DQX1: variants seen among roughly 807,000 people sequenced by gnomAD.
DQX1 encodes DEAQ-box RNA dependent ATPase 1, also known as ATP-dependent RNA helicase homolog DQX1.
DQX1 carries 66 observed loss-of-function variants against 81.3 expected under a neutral mutation model. The observed-to-expected ratio is 0.81, with a 90% CI of 0.67 to 1.00. The LOEUF (loss-of-function observed/expected upper bound fraction) is 1.00, where lower values mean the gene tolerates loss of function less well. Ranked by LOEUF, DQX1 falls within the 50% of genes least tolerant of loss-of-function variation. DQX1 has a pLI of 0.00. For synonymous variants in DQX1, 290 were observed against 350.0 expected, an observed-to-expected ratio of 0.83 and a Z score of 1.91; for missense variants, 798 against 867.9, an observed-to-expected ratio of 0.92 and a Z score of 1.01.
chr2:74,524,973 G>C (rs1675132169), intron 3 of DQX1, 36 bp downstream of exon 3: 1 of 1,585,868 alleles, frequency 6.3e-7, no homozygotes, highest in African/African-American at 1.4e-5. Flanking sequence ...TGAATAAGGG[G>C]AATTATATTC....
At chr2:74,523,739 C>T in intron 4 of DQX1, 184 bp downstream of exon 4, 1 of 1,055,530 alleles carries the variant, frequency 9.5e-7, no homozygotes, top group Non-Finnish European at 1.3e-6. Flanking sequence ...AGTGGTAAAC[C>T]TCTTTACCCT....
Position 74,523,370 on chromosome 2 carries a change from G to A in DQX1, c.984C>T (p.Asp328=). The A allele has an allele frequency of 6.2e-7, 1 of 1,614,226 alleles. No individual in the cohort carries two copies. The highest frequency in any genetic ancestry group is 8.5e-7 in the Non-Finnish European group (1 of 1,180,042). Residue 328 remains aspartate (D), a synonymous_variant, in exon 5 of 12, where the codon GAC becomes GAT. Transcript: ENST00000404568. ...GGATGGAAGGGAGGGAGAAGGAGAA[G>A]TCAGCCAGCCAGTGAGTGACCACAA... is the stretch of plus-strand genomic sequence containing the variant. ...RKVVVTHWLA[D]FSFSLPSIQH...
intron 8 of DQX1, among the ~76,000 whole-genome samples, chr2:74,520,700 G>A (rs915745366): frequency 3.9e-5 from 6 of 152,110 alleles, no homozygotes; most frequent in Non-Finnish European, 5.9e-5. Context: ...TTGAGACAGG[G>A]TCTCACTCTC....
At chr2:74,518,857 G>A (rs1229660794) in intron 11 of DQX1, among the ~76,000 whole-genome samples, 183 bp downstream of exon 11, 1 of 152,160 alleles carries the variant, frequency 6.6e-6, no homozygotes, top group Non-Finnish European at 1.5e-5. Context: ...GTCTCCAAAA[G>A]TGCATCTTCT....
chr2:74,519,062 C>T lies in DQX1; in HGVS notation c.1975G>A (p.Val659Ile), dbSNP rs780277660. 3.1e-6 allele frequency: 5 copies of T among 1,590,514 alleles called. No individual in the cohort carries two copies. In the South Asian group the frequency reaches 4.6e-5, roughly 14 times the overall value. Residue 659 changes from valine (V) to isoleucine (I), a missense_variant, in exon 11 of 12, where the codon GTT becomes ATT. Val to Ile is a conservative substitution (Grantham distance 29). Coordinates refer to ENST00000404568, the MANE Select transcript of DQX1 (RefSeq NM_133637.3). The part of the protein sequence containing the change: ...TISKDNCLSI[V>I]SEIQPQMLVE... Reference sequence around the variant, plus strand: ...CACATCTGTGGTTGAATCTCAGAAACAATGGAAAGGCAGTTGTCTTTGGAT... The same window carrying T: ...CACATCTGTGGTTGAATCTCAGAAATAATGGAAAGGCAGTTGTCTTTGGAT...
chr2:74,520,005 T>A lies in DQX1; in HGVS notation c.1525A>T (p.Ser509Cys). 1 of 1,613,934 alleles carries A rather than the reference T, an allele frequency of 6.2e-7. No homozygotes were observed. Among genetic ancestry groups the A allele is most frequent in the Non-Finnish European group, 8.5e-7 (1 of 1,179,842 alleles). ...AAPGFTRPPL[S>C]AEEAALRRAL... ...CGACGCAGGGCAGCTTCTTCTGCAC[T>A]GAGTGGAGGACGGGTAAACCCAGGG... is the stretch of plus-strand genomic sequence containing the variant. Residue 509 changes from serine to cysteine, a missense_variant, in exon 9 of 12, where the codon AGT (serine) becomes TGT (cysteine). Ser to Cys is a moderately radical substitution (Grantham distance 112). Transcript: ENST00000404568.
rs773171038 is a variant in DQX1 at position 74,519,157 on chromosome 2, T to C, written c.1880A>G (p.Tyr627Cys). The stretch of plus-strand genomic sequence containing the variant: ...AGCTCTGCGGCTTCGGTAGCAGCAG[T>C]ATGAGGAGAGCTGGGCCACATGCTT... Reference protein sequence around the residue: ...THKHVAQLSSYCCYRSRRAPA... With the variant: ...THKHVAQLSSCCCYRSRRAPA... The change falls in exon 11 of 12, where the codon TAC becomes TGC. Residue 627 changes from tyrosine (Y) to cysteine (C), a missense_variant. Transcript: ENST00000404568. The C allele has an allele frequency of 2.6e-5, 42 of 1,613,070 alleles. No individual in the cohort carries two copies. Among genetic ancestry groups the C allele is most frequent in the South Asian group, 1.1e-5 (1 of 90,976 alleles).
intron 8 of DQX1, among the ~76,000 whole-genome samples, chr2:74,520,962 C>G (rs1312849459): frequency 6.6e-6 from 1 of 152,058 alleles, no homozygotes; most frequent in Non-Finnish European, 1.5e-5. Flanking sequence ...CACAAGCCAC[C>G]ACGCCTGGCT....
In DQX1 at chr2:74,525,524, G is replaced by C; in HGVS notation, c.206C>G (p.Ser69Cys). The change falls in exon 2 of 12, where the codon TCT becomes TGT. Residue 69 changes from serine to cysteine, a missense_variant. By Grantham distance (112) the Ser-to-Cys change is moderately radical. Coordinates refer to ENST00000404568, the MANE Select transcript of DQX1 (RefSeq NM_133637.3). The surrounding 1 kb of genome is among the most constrained non-coding windows in gnomAD (Gnocchi z 4.1). The stretch of plus-strand genomic sequence containing the variant: ...GCTCTTGCCAGAACCAGGCTCCCCA[G>C]ACACCAGCACCACTCCAGTGGGGTT... ...ESNPTGVVLV[S>C]GEPGSGKSTQ... 9 of 1,552,226 alleles carry C rather than the reference G, an allele frequency of 5.8e-6. No homozygotes were observed. Among genetic ancestry groups the C allele is most frequent in the Non-Finnish European group, 7.8e-6 (9 of 1,147,132 alleles).
chr2:74,523,145 C>G lies in DQX1; in HGVS notation c.1118G>C (p.Arg373Pro). The G allele has an allele frequency of 6.2e-7, 1 of 1,614,180 alleles. No individual in the cohort carries two copies. The highest frequency in any genetic ancestry group is 2.2e-5 in the East Asian group (1 of 44,880). Residue 373 changes from arginine (R) to proline (P), a missense_variant, in exon 6 of 12, where the codon CGA becomes CCA. Coordinates refer to ENST00000404568, the MANE Select transcript of DQX1 (RefSeq NM_133637.3). The stretch of plus-strand genomic sequence containing the variant: ...TGGTGGGAACCCTCTTGCTCGCAAT[C>G]GTCTTGCCTCTGCCTGACACTTGCT... The part of the protein sequence containing the change: ...PISKCQAEAR[R>P]LRARGFPPGS...
chr2:74,518,356 C>T lies in DQX1; in HGVS notation c.*90G>A, dbSNP rs1266327909. The T allele has an allele frequency of 3.3e-6, 5 of 1,501,682 alleles. No homozygotes were observed. The highest frequency in any genetic ancestry group is 2.8e-5 in the African/African-American group (2 of 71,754). 93.0% of individuals were successfully genotyped at this position (1,501,682 alleles called of 1,614,324 possible). Reference sequence around the variant, plus strand: ...TTTACATTTGACCCTAAACTTTGGGCTTCTAAATCTGTCTGGGTGCTTTGG... The same window carrying T: ...TTTACATTTGACCCTAAACTTTGGGTTTCTAAATCTGTCTGGGTGCTTTGG... On this transcript the variant is annotated 3_prime_UTR_variant, in exon 12 of 12. Coordinates refer to ENST00000404568, the MANE Select transcript of DQX1 (RefSeq NM_133637.3).
chr2:74,522,490 G>T, intron 8 of DQX1, 90 bp downstream of exon 8: 1 of 1,477,054 alleles, frequency 6.8e-7, no homozygotes, highest in Non-Finnish European at 9.1e-7. Flanking sequence ...CTGGAGCAGA[G>T]AGGAAAGGGC....
rs1434236573 is a variant in DQX1 at position 74,522,849 on chromosome 2, T to A, written c.1303+7A>T. On this transcript the variant is annotated splice_region_variant and intron_variant, in intron 7 of 11. Coordinates refer to ENST00000404568, the MANE Select transcript of DQX1 (RefSeq NM_133637.3). ...GATGGCAGTGCTTGGGCAGGAGAGG[T>A]GCTCACCAGGCTGGTCCAGGAAGTG... 1 of 1,612,962 alleles carries A rather than the reference T, an allele frequency of 6.2e-7. No individual in the cohort carries two copies. The highest frequency in any genetic ancestry group is 2.2e-5 in the East Asian group (1 of 44,850).
At position 74,525,306 on chromosome 2, in the gene DQX1, T is replaced by C. The variant is rs1675144371; in HGVS notation, c.238-104A>G. The C allele has an allele frequency of 7.4e-7, 1 of 1,348,840 alleles. No homozygotes were observed. The highest frequency in any genetic ancestry group is 9.9e-7 in the Non-Finnish European group (1 of 1,006,434). 83.6% of individuals were successfully genotyped at this position (1,348,840 alleles called of 1,614,324 possible). On this transcript the variant is annotated intron_variant, in intron 2 of 11. Coordinates refer to ENST00000404568, the MANE Select transcript of DQX1 (RefSeq NM_133637.3). The surrounding 1 kb of genome is among the most constrained non-coding windows in gnomAD (Gnocchi z 4.1). ...CTTTAATCTTTCCTTATTTGGGGAG[T>C]CCCCTGGTCTTTCACCAGCCTCCAG...
At position 74,522,583 on chromosome 2, in the gene DQX1, T is replaced by C. The variant is rs771216751; in HGVS notation, c.1492A>G (p.Thr498Ala). Residue 498 changes from threonine (T) to alanine (A), a missense_variant, in exon 8 of 12, where the codon ACA becomes GCA. Thr to Ala is a moderately conservative substitution (Grantham distance 58). Coordinates refer to ENST00000404568, the MANE Select transcript of DQX1 (RefSeq NM_133637.3). ...GATTTACAGCAGCGATTTATACCTG[T>C]GAGCATGGCAGCCAGGGTGAGCATC... is the stretch of plus-strand genomic sequence containing the variant. Reference protein sequence around the residue: ...DEMLTLAAMLTAAPGFTRPPL... With the variant: ...DEMLTLAAMLAAAPGFTRPPL... 6.2e-7 allele frequency: 1 copy of C among 1,612,900 alleles called. No homozygotes were observed. Among genetic ancestry groups the C allele is most frequent in the Non-Finnish European group, 8.5e-7 (1 of 1,179,416 alleles).
intron 4 of DQX1, 90 bp from the exon 5 acceptor site, chr2:74,523,627 C>T: frequency 1.6e-6 from 2 of 1,270,480 alleles, no homozygotes; most frequent in Non-Finnish European, 2.2e-6. Context: ...AGTTATGGCC[C>T]TTCACTCTGA....
At position 74,522,721 on chromosome 2, in the gene DQX1, G is replaced by A. The variant is rs1675061170; in HGVS notation, c.1354C>T (p.Leu452=). The A allele has an allele frequency of 1.9e-6, 3 of 1,614,198 alleles. No homozygotes were observed. Among genetic ancestry groups the A allele is most frequent in the Non-Finnish European group, 2.5e-6 (3 of 1,180,042 alleles). The change falls in exon 8 of 12, where the codon CTG becomes TTG. Residue 452 remains leucine (L), a synonymous_variant. Coordinates refer to ENST00000404568, the MANE Select transcript of DQX1 (RefSeq NM_133637.3). ...ALEDLDYLAA[L]DDDGDLSDLG... is the part of the protein sequence containing the mutation. ...TCTGACAGGTCCCCATCATCATCCA[G>A]GGCTGCCAGATAGTCTAAATCTTCC...
chr2:74,523,310 A>G lies in DQX1; in HGVS notation c.1044T>C (p.Ser348=), dbSNP rs1269424607. The G allele has an allele frequency of 1.4e-5, 22 of 1,613,860 alleles. No homozygotes were observed. In the Admixed American group the frequency reaches 1.5e-4, roughly 11 times the overall value. The stretch of plus-strand genomic sequence containing the variant: ...ACCGCTATCTCTCTCTCTCACTCAC[A>G]CTTCGGAGCTCCAGTCCTGAGTCGA... ...HVIDSGLELR[S]VYNPRIRAEF... is the part of the protein sequence containing the mutation. The change falls in exon 5 of 12, where the codon AGT becomes AGC. Residue 348 remains serine (S), a splice_region_variant and synonymous_variant. Coordinates refer to ENST00000404568, the MANE Select transcript of DQX1 (RefSeq NM_133637.3).
intron 5 of DQX1, 39 bp downstream of exon 5, chr2:74,523,271 G>A (rs1351644412): frequency 6.2e-7 from 1 of 1,614,078 alleles, no homozygotes; most frequent in Admixed American, 1.7e-5. Flanking sequence ...GGCCATTTCT[G>A]TCTTTACTAC....
Sources: gnomAD v4.1 joint callset for allele counts (sites outside exome capture counted in the v4.1 genomes callset) on GRCh38, gnomAD v4.1.1 for gene constraint, Gnocchi (gnomAD v3.1) non-coding constraint, MANE v1.5 for transcripts, NCBI Gene and HGNC (gene_info 2026-07-23, HGNC 2026-07-21) for gene names.